The following MYO7A variants were observed in gnomAD, a reference collection of about 807,000 sequenced individuals.
The protein encoded by MYO7A is unconventional myosin-VIIa.
In MYO7A, 210 loss-of-function variants were observed where a neutral mutation model predicts 263.8. The observed-to-expected ratio is 0.80, with a 90% CI of 0.71 to 0.89. The LOEUF is 0.89. Among genes scored for constraint, MYO7A ranks in the 40% least tolerant of loss-of-function variants. The pLI, the probability that MYO7A is intolerant of heterozygous loss-of-function variation, is 0.00. For synonymous variants in MYO7A, 1,239 were observed against 1,197.3 expected, an observed-to-expected ratio of 1.03 and a Z score of -0.72; for missense variants, 2,820 against 2,968.3, an observed-to-expected ratio of 0.95 and a Z score of 1.16.
chr11:77,200,046 A>C (rs1318230689), intron 35 of MYO7A, among the ~76,000 whole-genome samples: 1 of 152,150 alleles, frequency 6.6e-6, no homozygotes, highest in African/African-American at 2.4e-5. Flanking sequence ...AGATGGGAGG[A>C]TCACTTGAGG....
At chr11:77,148,002 G>GCCCACCTCGC in intron 4 of MYO7A, 52 bp downstream of exon 4, 1 of 1,174,860 alleles carries the variant, frequency 8.5e-7, no homozygotes, top group Non-Finnish European at 1.1e-6. Flanking sequence ...GCCCCGCCCC[G>GCCCACCTCGC]CCCACCTCGC....
At chr11:77,130,271 A>C (rs1293602664) in intron 1 of MYO7A, among the ~76,000 whole-genome samples, 3 of 152,266 alleles carry the variant, frequency 2.0e-5, no homozygotes, top group African/African-American at 4.8e-5. Flanking sequence ...ACCCTGGGCA[A>C]GTCTTGGTCC....
At chr11:77,158,463 C>T (rs1952699242) in intron 9 of MYO7A, 33 bp downstream of exon 9, 2 of 1,602,938 alleles carry the variant, frequency 1.2e-6, no homozygotes, top group Non-Finnish European at 1.7e-6. Context: ...CTGCCCCACC[C>T]CTGCGCCAAG....
intron 30 of MYO7A, chr11:77,191,213 G>T (rs113333000): frequency 0.032 from 5,728 of 176,814 alleles, 321 homozygotes; most frequent in African/African-American, 0.13. Context: ...CCAGCTACTC[G>T]GGAGGCTGAG....
At chr11:77,211,428 C>G in intron 45 of MYO7A, 91 bp downstream of exon 45, 1 of 1,357,696 alleles carries the variant, frequency 7.4e-7, no homozygotes, top group South Asian at 1.4e-5. Context: ...GGCCAGCAGC[C>G]CAGGGAGGTG....
At chr11:77,181,334 C>A in intron 22 of MYO7A, 46 bp from the exon 23 acceptor site, 1 of 1,502,038 alleles carries the variant, frequency 6.7e-7, no homozygotes, top group African/African-American at 1.4e-5. Flanking sequence ...GAGGCTGTGG[C>A]ACCGGGGGCT....
chr11:77,174,646 C>A, intron 16 of MYO7A, 110 bp from the exon 17 acceptor site: 2 of 1,143,494 alleles, frequency 1.7e-6, no homozygotes, highest in Non-Finnish European at 2.5e-6. Flanking sequence ...TCCTCCCATG[C>A]CGTGTGGACT....
In MYO7A at chr11:77,164,507, A is replaced by G. The variant is rs116968703; in HGVS notation, c.1690+1519A>G. On this transcript the variant is annotated intron_variant, in intron 14 of 48. Transcript: ENST00000409709. ...GAACTGGTCCAGAAGTCAGCAGTGT[A>G]TCAGTGAGCCAGGCTGCAGTGGTAG... Among the ~76,000 whole-genome samples the G allele has an allele frequency of 4.2e-3, 647 of 152,340 alleles. 3 individuals carry two copies. Among genetic ancestry groups the G allele is most frequent in the Non-Finnish European group, 7.6e-3 (519 of 68,024 alleles).
Position 77,162,834 on chromosome 11 carries a change from C to T in MYO7A, c.1555-19C>T. 1 of 1,606,420 alleles carries T rather than the reference C, an allele frequency of 6.2e-7. No homozygotes were observed. The highest frequency in any genetic ancestry group is 1.1e-5 in the South Asian group (1 of 90,202). On this transcript the variant is annotated intron_variant, in intron 13 of 48. Coordinates refer to ENST00000409709, the MANE Select transcript of MYO7A (RefSeq NM_000260.4). ...CATGGAGGAGAGGGTGGGCTCACAG[C>T]TGCCCCTCCACTCCCCAGGGCACAG...
intron 32 of MYO7A, among the ~76,000 whole-genome samples, chr11:77,195,537 G>T (rs541206513): frequency 2.0e-5 from 3 of 152,198 alleles, no homozygotes; most frequent in Non-Finnish European, 4.4e-5. Context: ...TACGTCCTGG[G>T]TGGGGTGCTA....
intron 32 of MYO7A, among the ~76,000 whole-genome samples, chr11:77,195,063 C>A (rs1320979207): frequency 6.6e-6 from 1 of 152,090 alleles, no homozygotes; most frequent in Admixed American, 6.5e-5. Context: ...CCCAAGGCCG[C>A]CTCATCTCCA....
At chr11:77,133,984 C>T (rs539660345) in intron 2 of MYO7A, among the ~76,000 whole-genome samples, 2 of 152,300 alleles carry the variant, frequency 1.3e-5, no homozygotes, top group African/African-American at 4.8e-5. Flanking sequence ...TGCTGGAGTG[C>T]AATGACACAA....
intron 37 of MYO7A, 35 bp from the exon 38 acceptor site, chr11:77,203,025 A>G (rs1957177850): frequency 6.5e-7 from 1 of 1,541,516 alleles, no homozygotes; most frequent in South Asian, 1.2e-5. Flanking sequence ...GCTGCCAGCG[A>G]TGGGGCGTTG....
At chr11:77,161,577 G>T (rs563677639) in intron 12 of MYO7A, among the ~76,000 whole-genome samples, 4 of 152,324 alleles carry the variant, frequency 2.6e-5, no homozygotes, top group African/African-American at 9.6e-5. Flanking sequence ...GTCAGGACCT[G>T]GCAAGTCATA....
rs1420037072 is a variant in MYO7A, at chr11:77,204,078, G to A, written c.5329G>A (p.Val1777Met). The stretch of plus-strand genomic sequence containing the variant: ...AGCCCTTCCTTGACAGTCCCCAGCT[G>A]TGCTCAAGTACATGGGCGACTACCC... The part of the protein sequence containing the change: ...SQEACLAFIA[V>M]LKYMGDYPSK... Residue 1777 changes from valine (V) to methionine (M), a missense_variant and splice_region_variant, in exon 39 of 49, where the codon GTG becomes ATG. Val to Met is a conservative substitution (Grantham distance 21). Coordinates refer to ENST00000409709, the MANE Select transcript of MYO7A (RefSeq NM_000260.4). 1 of 1,599,850 alleles carries A rather than the reference G, an allele frequency of 6.3e-7. No individual in the cohort carries two copies. The highest frequency in any genetic ancestry group is 8.5e-7 in the Non-Finnish European group (1 of 1,173,394).
In MYO7A at chr11:77,212,963, G is replaced by T; in HGVS notation, c.6366G>T (p.Glu2122Asp). Residue 2122 changes from glutamate (E) to aspartate (D), a missense_variant, in exon 47 of 49, where the codon GAG becomes GAT. Physicochemically the swap from Glu to Asp is conservative, Grantham distance 45 (BLOSUM62 2). Coordinates refer to ENST00000409709, the MANE Select transcript of MYO7A (RefSeq NM_000260.4). ...SAFFEVKQTTEPNFPEILLIA... is the reference protein window; with the variant it reads ...SAFFEVKQTTDPNFPEILLIA... Reference sequence around the variant, plus strand: ...ATCTTTTTTTCTAGCAAACTACGGAGCCAAACTTCCCTGAGATCCTCCTAA... The same window carrying T: ...ATCTTTTTTTCTAGCAAACTACGGATCCAAACTTCCCTGAGATCCTCCTAA... 1 of 1,594,498 alleles carries T rather than the reference G, an allele frequency of 6.3e-7. No homozygotes were observed.
At chr11:77,167,834 C>A (rs561310694) in intron 15 of MYO7A, among the ~76,000 whole-genome samples, 5 of 152,290 alleles carry the variant, frequency 3.3e-5, no homozygotes, top group African/African-American at 1.2e-4. Flanking sequence ...GTGGCCTCTC[C>A]CCTCTGCCCA....
rs190604220 is a variant in MYO7A at position 77,138,223 on chromosome 11, C to A, written c.19-4486C>A. Among the ~76,000 whole-genome samples the A allele has an allele frequency of 2.3e-4, 35 of 152,006 alleles. No individual in the cohort carries two copies. The East Asian group carries it at 6.4e-3, about 28-fold the overall frequency. ...TTGCCATGGGCCCGCAGCAGATGGC[C>A]CGGTTTAGGGTTCCGGGGCGGGCGG... On this transcript the variant is annotated intron_variant, in intron 2 of 48. Coordinates refer to ENST00000409709, the MANE Select transcript of MYO7A (RefSeq NM_000260.4). The surrounding 1 kb of genome is among the most constrained non-coding windows in gnomAD (Gnocchi z 4.9).
At chr11:77,209,958 G>A (rs542016170) in intron 44 of MYO7A, among the ~76,000 whole-genome samples, 5 of 152,284 alleles carry the variant, frequency 3.3e-5, no homozygotes, top group East Asian at 1.9e-4. Context: ...GATTGTTTCC[G>A]CTTCTCAAGT....
Sources: allele counts gnomAD v4.1 joint callset (sites outside exome capture counted in the v4.1 genomes callset), GRCh38; gene constraint gnomAD v4.1.1; non-coding constraint Gnocchi (gnomAD v3.1); transcripts MANE v1.5; gene names NCBI Gene and HGNC (gene_info 2026-07-23, HGNC 2026-07-21).